The following NOPCHAP1 variants were observed in gnomAD, a reference collection of about 807,000 sequenced individuals.
NOPCHAP1 encodes DNA damage-sensitive RNA 1.
A neutral mutation model predicts 14.0 loss-of-function variants in NOPCHAP1; 13 were observed. The observed-to-expected ratio is 0.93, with a 90% confidence interval of 0.60 to 1.47. NOPCHAP1 has a LOEUF of 1.47. Ranked by LOEUF, NOPCHAP1 falls within the 40% of genes most tolerant of loss-of-function variation. NOPCHAP1 has a pLI of 0.00. For missense variants in NOPCHAP1, 230 were observed against 226.9 expected, an observed-to-expected ratio of 1.01 and a Z score of -0.09; for synonymous variants, 78 against 78.4, an observed-to-expected ratio of 1.00 and a Z score of 0.03.
intron 2 of NOPCHAP1, among the ~76,000 whole-genome samples, chr12:104,989,857 CTATTCTTCT>C (rs1190205284): frequency 6.6e-6 from 1 of 152,084 alleles, no homozygotes; most frequent in Non-Finnish European, 1.5e-5. Flanking sequence ...GTTGAGTTCA[CTATTCTTCT>C]ATATTGTCTA....
intron 2 of NOPCHAP1, among the ~76,000 whole-genome samples, chr12:104,989,317 A>G (rs187739140): frequency 6.6e-6 from 1 of 152,316 alleles, no homozygotes; most frequent in Admixed American, 6.5e-5. Context: ...TCTGCTGGAG[A>G]TAGACTTACC....
rs1362928469 is a variant in NOPCHAP1, at chr12:105,014,159, A to T, written c.*19463A>T. On this transcript the variant is annotated 3_prime_UTR_variant, in exon 4 of 4. Transcript: ENST00000552951. Reference sequence around the variant, plus strand: ...GTACTAGAGTTAATTTTATGCAGTTATGATTTAATACTGTGTCTTTGCATT... The same window carrying T: ...GTACTAGAGTTAATTTTATGCAGTTTTGATTTAATACTGTGTCTTTGCATT... 4 of 152,226 alleles carry T rather than the reference A, an allele frequency of 2.6e-5. No homozygotes were observed. The highest frequency in any genetic ancestry group is 4.4e-5 in the Non-Finnish European group (3 of 68,036). 9.4% of individuals were successfully genotyped at this position (152,226 alleles called of 1,614,324 possible).
At position 105,014,224 on chromosome 12, in the gene NOPCHAP1, G is replaced by A. The variant is rs930539930; in HGVS notation, c.*19528G>A. ...TCAACTGCAAATGGTACTAGGTACC[G>A]TCTATAAGTGTTTGTGTGGGTAAGT... On this transcript the variant is annotated 3_prime_UTR_variant, in exon 4 of 4. Coordinates refer to ENST00000552951, the MANE Select transcript of NOPCHAP1 (RefSeq NM_152318.3). The A allele has an allele frequency of 3.3e-5, 5 of 152,184 alleles. No homozygotes were observed. Among genetic ancestry groups the A allele is most frequent in the South Asian group, 2.1e-4 (1 of 4,828 alleles). The allele number at this position is 152,184 out of a possible 1,614,324, so 9.4% of individuals were successfully genotyped here. A position where few individuals can be genotyped will look rare whatever the true frequency, so the allele number is the denominator to read the frequency against.
Position 104,986,372 on chromosome 12 carries a change from C to G in NOPCHAP1, c.20C>G (p.Pro7Arg), listed in dbSNP as rs374254858. 1.9e-6 allele frequency: 3 copies of G among 1,610,596 alleles called. No homozygotes were observed. The highest frequency in any genetic ancestry group is 1.1e-5 in the South Asian group (1 of 90,180). Residue 7 changes from proline (P) to arginine (R), a missense_variant, in exon 1 of 4, where the codon CCC becomes CGC. By Grantham distance (103) the Pro-to-Arg change is moderately radical. Coordinates refer to ENST00000552951, the MANE Select transcript of NOPCHAP1 (RefSeq NM_152318.3). ...GGAAGCATGGAGGTCCATGGCAAGC[C>G]CAAGGCTAGCCCGAGTTGTTCGTCG... MEVHGK[P>R]KASPSCSSPT...
At chr12:104,990,294 G>GT (rs1873343959) in intron 2 of NOPCHAP1, among the ~76,000 whole-genome samples, 2 of 152,118 alleles carry the variant, frequency 1.3e-5, no homozygotes, top group Non-Finnish European at 2.9e-5. Context: ...GCACATTTTG[G>GT]TACTTGTTTT....
At position 105,015,381 on chromosome 12, in the gene NOPCHAP1, G is replaced by A. The variant is rs1241866739; in HGVS notation, c.*20685G>A. The A allele has an allele frequency of 1.3e-5, 2 of 152,210 alleles. No individual in the cohort carries two copies. The highest frequency in any genetic ancestry group is 2.4e-5 in the African/African-American group (1 of 41,460). 9.4% of individuals were successfully genotyped at this position (152,210 alleles called of 1,614,324 possible). The stretch of plus-strand genomic sequence containing the variant: ...TAATAAATGGATTAAATGGATGCAT[G>A]AAGGTATACAGGAGACTTTAAGCTA... On this transcript the variant is annotated 3_prime_UTR_variant, in exon 4 of 4. Transcript: ENST00000552951.
Position 105,012,102 on chromosome 12 carries a change from T to C in NOPCHAP1, c.*17406T>C, listed in dbSNP as rs1052713791. The C allele has an allele frequency of 4.6e-5, 7 of 152,346 alleles. 1 individual carries two copies. Among genetic ancestry groups the C allele is most frequent in the Admixed American group, 1.3e-4 (2 of 15,304 alleles). 9.4% of individuals were successfully genotyped at this position (152,346 alleles called of 1,614,324 possible). ...AAGAGTGTTTTCCAACTTGGTTCCA[T>C]TCTCCCTGTCACTTTCAGGTACACC... On this transcript the variant is annotated 3_prime_UTR_variant, in exon 4 of 4. Coordinates refer to ENST00000552951, the MANE Select transcript of NOPCHAP1 (RefSeq NM_152318.3).
chr12:104,991,206 T>C (rs1458459065), intron 2 of NOPCHAP1, among the ~76,000 whole-genome samples: 1 of 152,066 alleles, frequency 6.6e-6, no homozygotes, highest in Non-Finnish European at 1.5e-5. Flanking sequence ...TGTAGGCATG[T>C]ATGGGGTGAG....
At position 104,997,618 on chromosome 12, in the gene NOPCHAP1, C is replaced by T. The variant is rs1333814188; in HGVS notation, c.*2922C>T. ...TTTGTAGGTGACTTGCCCCTTCTCT[C>T]TCACTGCCTTTAGCATTTTTTCTTT... On this transcript the variant is annotated 3_prime_UTR_variant, in exon 4 of 4. Coordinates refer to ENST00000552951, the MANE Select transcript of NOPCHAP1 (RefSeq NM_152318.3). The T allele has an allele frequency of 2.0e-5, 3 of 152,246 alleles. No individual in the cohort carries two copies. Among genetic ancestry groups the T allele is most frequent in the Non-Finnish European group, 2.9e-5 (2 of 68,060 alleles). The allele number at this position is 152,246 out of a possible 1,614,324, so 9.4% of individuals were successfully genotyped here. A position where few individuals can be genotyped will look rare whatever the true frequency, so the allele number is the denominator to read the frequency against.
At position 105,003,204 on chromosome 12, in the gene NOPCHAP1, TTATG is replaced by T. The variant is rs1290247099; in HGVS notation, c.*8511_*8514del. 1 of 152,192 alleles carries T rather than the reference TTATG, an allele frequency of 6.6e-6. No individual in the cohort carries two copies. The highest frequency in any genetic ancestry group is 2.4e-5 in the African/African-American group (1 of 41,448). 9.4% of individuals were successfully genotyped at this position (152,192 alleles called of 1,614,324 possible). On this transcript the variant is annotated 3_prime_UTR_variant, in exon 4 of 4. Transcript: ENST00000552951. Reference sequence around the variant, plus strand: ...TAGTGTGCCTTGCAAGTGAACAAGTTTATGTAGGTTAAAACTTTCCCACTGTGGG... The same window carrying T: ...TAGTGTGCCTTGCAAGTGAACAAGTTTAGGTTAAAACTTTCCCACTGTGGG...
In NOPCHAP1 at chr12:105,009,080, G is replaced by A. The variant is rs1305239222; in HGVS notation, c.*14384G>A. 6.6e-6 allele frequency: 1 copy of A among 152,080 alleles called. No individual in the cohort carries two copies. 9.4% of individuals were successfully genotyped at this position (152,080 alleles called of 1,614,324 possible). ...TCTATAAATTACTTTAGGCAGTATG[G>A]CCATTTTCACGATATTGATTCTTCC... On this transcript the variant is annotated 3_prime_UTR_variant, in exon 4 of 4. Transcript: ENST00000552951.
intron 3 of NOPCHAP1, 51 bp downstream of exon 3, chr12:104,991,899 T>TAAG (rs772051105): frequency 9.1e-6 from 14 of 1,534,580 alleles, no homozygotes; most frequent in African/African-American, 1.4e-5. Flanking sequence ...GCCTGTCACC[T>TAAG]AAGAAGAAGA....
Position 105,012,364 on chromosome 12 carries a change from G to T in NOPCHAP1, c.*17668G>T, listed in dbSNP as rs889152233. 1 of 152,136 alleles carries T rather than the reference G, an allele frequency of 6.6e-6. No homozygotes were observed. The highest frequency in any genetic ancestry group is 2.4e-5 in the African/African-American group (1 of 41,426). 9.4% of individuals were successfully genotyped at this position (152,136 alleles called of 1,614,324 possible). A position where few individuals can be genotyped will look rare whatever the true frequency, so the allele number is the denominator to read the frequency against. On this transcript the variant is annotated 3_prime_UTR_variant, in exon 4 of 4. Transcript: ENST00000552951. Reference sequence around the variant, plus strand: ...GTCATTTATGTTCTTCTCTCAACTGGTTATTCTAGTTAGCAATTTCTCTAA... The same window carrying T: ...GTCATTTATGTTCTTCTCTCAACTGTTTATTCTAGTTAGCAATTTCTCTAA...
At chr12:104,990,343 C>T (rs140933243) in intron 2 of NOPCHAP1, among the ~76,000 whole-genome samples, 321 of 152,220 alleles carry the variant, frequency 2.1e-3, no homozygotes, top group African/African-American at 7.0e-3. Context: ...AAAGCAGTAC[C>T]AGATTTTCTA....
chr12:104,994,576 A>C lies in NOPCHAP1; in HGVS notation c.438A>C (p.Glu146Asp). Residue 146 changes from glutamate (E) to aspartate (D), a missense_variant, in exon 4 of 4, where the codon GAA (glutamate) becomes GAC (aspartate). By Grantham distance (45) the Glu-to-Asp change is conservative (BLOSUM62 2). Coordinates refer to ENST00000552951, the MANE Select transcript of NOPCHAP1 (RefSeq NM_152318.3). ...QDSSENSSES[E>D]DEDDSIPSEV... ...GTTCAGAGAACAGTTCAGAATCAGAAGACGAAGATGACAGCATCCCATCTG... is the reference window on the plus strand; with the variant it reads ...GTTCAGAGAACAGTTCAGAATCAGACGACGAAGATGACAGCATCCCATCTG... The C allele has an allele frequency of 6.2e-7, 1 of 1,613,084 alleles. No individual in the cohort carries two copies. The highest frequency in any genetic ancestry group is 8.5e-7 in the Non-Finnish European group (1 of 1,179,376).
rs970434356 is a variant in NOPCHAP1 at position 105,005,406 on chromosome 12, G to A, written c.*10710G>A. 2 of 152,224 alleles carry A rather than the reference G, an allele frequency of 1.3e-5. No individual in the cohort carries two copies. The highest frequency in any genetic ancestry group is 4.8e-5 in the African/African-American group (2 of 41,452). 9.4% of individuals were successfully genotyped at this position (152,224 alleles called of 1,614,324 possible). ...CTTGGTTTACACCCTATTTAAATGA[G>A]GTAGTGGTCTGCAGCCAGTCTGATT... is the stretch of plus-strand genomic sequence containing the variant. On this transcript the variant is annotated 3_prime_UTR_variant, in exon 4 of 4. Coordinates refer to ENST00000552951, the MANE Select transcript of NOPCHAP1 (RefSeq NM_152318.3).
In NOPCHAP1 at chr12:105,005,665, C is replaced by T. The variant is rs1325580839; in HGVS notation, c.*10969C>T. The T allele has an allele frequency of 1.3e-5, 2 of 152,202 alleles. No homozygotes were observed. The highest frequency in any genetic ancestry group is 2.9e-5 in the Non-Finnish European group (2 of 68,040). The allele number at this position is 152,202 out of a possible 1,614,324, so 9.4% of individuals were successfully genotyped here. A position where few individuals can be genotyped will look rare whatever the true frequency, so the allele number is the denominator to read the frequency against. ...GGGAGAGCCTCTGATCCTTTTGTTA[C>T]TTGGGCGTGGAAAGTTGGGGTTTTC... On this transcript the variant is annotated 3_prime_UTR_variant, in exon 4 of 4. Transcript: ENST00000552951.
At position 104,995,907 on chromosome 12, in the gene NOPCHAP1, C is replaced by G. The variant is rs1011885354; in HGVS notation, c.*1211C>G. On this transcript the variant is annotated 3_prime_UTR_variant, in exon 4 of 4. Coordinates refer to ENST00000552951, the MANE Select transcript of NOPCHAP1 (RefSeq NM_152318.3). ...ATTTCACCGTGTTAGCCAGGATGGT[C>G]TCAATCTCCTGACCTCGTGTTCCAC... The G allele has an allele frequency of 6.6e-6, 1 of 151,170 alleles. No homozygotes were observed. Among genetic ancestry groups the G allele is most frequent in the Admixed American group, 6.6e-5 (1 of 15,154 alleles). The allele number at this position is 151,170 out of a possible 1,614,324, so 9.4% of individuals were successfully genotyped here.
chr12:104,991,674 T>C (rs1873378663), intron 2 of NOPCHAP1, 38 bp from the exon 3 acceptor site: 1 of 1,547,042 alleles, frequency 6.5e-7, no homozygotes, highest in East Asian at 2.3e-5. Flanking sequence ...CAGAATTTAC[T>C]AGCATAAATG....
Sources: gnomAD v4.1 joint callset for allele counts (sites outside exome capture counted in the v4.1 genomes callset) on GRCh38, gnomAD v4.1.1 for gene constraint, MANE v1.5 for transcripts, NCBI Gene and HGNC (gene_info 2026-07-23, HGNC 2026-07-21) for gene names.